The following FCRL5 variants were observed in gnomAD, a reference collection of about 807,000 sequenced individuals.
FCRL5 encodes the protein Fc receptor like 5.
A neutral mutation model predicts 92.1 loss-of-function variants in FCRL5; 79 were observed. The observed-to-expected ratio is 0.86, with a 90% CI of 0.72 to 1.03. The LOEUF (loss-of-function observed/expected upper bound fraction) is 1.03, where lower values mean the gene tolerates loss of function less well. FCRL5 is among the 50% of genes least tolerant of loss of function. The pLI is 0.00. For missense variants in FCRL5, 1,160 were observed against 1,181.1 expected, an observed-to-expected ratio of 0.98 and a Z score of 0.26; for synonymous variants, 466 against 469.3, an observed-to-expected ratio of 0.99 and a Z score of 0.09.
chr1:157,547,486 G>T (rs1419802942), intron 2 of FCRL5: 10 of 557,464 alleles, frequency 1.8e-5, no homozygotes, highest in Middle Eastern at 3.1e-4. Flanking sequence ...GGGTCCCAGA[G>T]AAAATCAATG....
chr1:157,543,208 CA>C (rs1651355527), intron 5 of FCRL5, 71 bp from the exon 6 acceptor site: 1 of 1,473,018 alleles, frequency 6.8e-7, no homozygotes, highest in East Asian at 2.3e-5. Flanking sequence ...ATGGCCAGTG[CA>C]AATGCCCAGT....
intron 1 of FCRL5, among the ~76,000 whole-genome samples, chr1:157,550,984 T>A (rs1651783760): frequency 6.6e-6 from 1 of 152,224 alleles, no homozygotes; most frequent in African/African-American, 2.4e-5. Flanking sequence ...TTATCCAAAC[T>A]TAAGTGTTTT....
intron 6 of FCRL5, among the ~76,000 whole-genome samples, chr1:157,540,758 T>A (rs189178077): frequency 8.5e-4 from 130 of 152,332 alleles, no homozygotes; most frequent in African/African-American, 3.0e-3. Flanking sequence ...ATAATTATGA[T>A]GATAAAGATA....
At chr1:157,538,735 A>G (rs1651099201) in intron 7 of FCRL5, among the ~76,000 whole-genome samples, 2 of 152,222 alleles carry the variant, frequency 1.3e-5, no homozygotes, top group Non-Finnish European at 2.9e-5. Context: ...CTGAGAACTG[A>G]GTCTGAGTCT....
chr1:157,551,619 C>A (rs1651814606), intron 1 of FCRL5, among the ~76,000 whole-genome samples: 1 of 152,214 alleles, frequency 6.6e-6, no homozygotes, highest in South Asian at 2.1e-4. Flanking sequence ...CTCCTATGGA[C>A]TCTAATTGCT....
intron 6 of FCRL5, chr1:157,541,926 T>C (rs1571104887): frequency 6.6e-6 from 1 of 152,378 alleles, no homozygotes; most frequent in East Asian, 1.9e-4. Context: ...TCCACTTTCT[T>C]TGGGCCACTG....
At chr1:157,547,336 G>T (rs776527963) in intron 2 of FCRL5, 139 bp from the exon 3 acceptor site, 2 of 1,160,654 alleles carry the variant, frequency 1.7e-6, no homozygotes, top group Non-Finnish European at 2.6e-6. Flanking sequence ...ATAGCTCAAA[G>T]CTCCCTGTCA....
chr1:157,534,547 T>C, intron 8 of FCRL5, 67 bp downstream of exon 8: 1 of 1,595,226 alleles, frequency 6.3e-7, no homozygotes, highest in Non-Finnish European at 8.6e-7. Context: ...TGCAAACAGA[T>C]TTTTAAAGGA....
At chr1:157,529,377 A>T (rs1650582755) in intron 8 of FCRL5, among the ~76,000 whole-genome samples, 2 of 152,232 alleles carry the variant, frequency 1.3e-5, no homozygotes. Context: ...ACCACTATGA[A>T]AACAGTATGG....
At chr1:157,518,328 G>A (rs559146581) in intron 15 of FCRL5, 101 bp downstream of exon 15, 27 of 983,508 alleles carry the variant, frequency 2.7e-5, no homozygotes, top group Admixed American at 7.9e-5. Context: ...TGGGAGGGGC[G>A]GCTCTATGCC....
intron 1 of FCRL5, among the ~76,000 whole-genome samples, chr1:157,551,499 T>C (rs1272287251): frequency 3.3e-5 from 5 of 152,242 alleles, no homozygotes; most frequent in African/African-American, 1.2e-4. Flanking sequence ...ATTGGTAACT[T>C]TGCCTGGACA....
At position 157,542,957 on chromosome 1, in the gene FCRL5, C is replaced by T. The variant is rs755964324; in HGVS notation, c.1025G>A (p.Ser342Asn). Residue 342 changes from serine to asparagine, a missense_variant, in exon 6 of 17, where the codon AGC becomes AAC. Ser to Asn is a conservative substitution (Grantham distance 46, BLOSUM62 1). Coordinates refer to ENST00000361835, the MANE Select transcript of FCRL5 (RefSeq NM_031281.3). ...SVRCERGASI[S>N]FSLTTENSGN... ...TGAATTCTCTGTAGTCAGTGAGAAG[C>T]TGATGGATGCTCCCCTTTCACAGCG... 3 of 1,614,098 alleles carry T rather than the reference C, an allele frequency of 1.9e-6. No individual in the cohort carries two copies. Among genetic ancestry groups the T allele is most frequent in the African/African-American group, 2.7e-5 (2 of 74,932 alleles).
At chr1:157,532,683 G>A (rs1482414016) in intron 8 of FCRL5, 5 of 152,062 alleles carry the variant, frequency 3.3e-5, no homozygotes, top group African/African-American at 9.7e-5. Context: ...CTCACTTGAG[G>A]TTGTGTCAAA....
At chr1:157,541,890 G>A (rs938906333) in intron 6 of FCRL5, 3 of 152,272 alleles carry the variant, frequency 2.0e-5, no homozygotes, top group Admixed American at 2.0e-4. Flanking sequence ...ACATCTCTGA[G>A]CATGTTTGAT....
In FCRL5 at chr1:157,513,951, T is replaced by C. The variant is rs1012355252; in HGVS notation, c.*1724A>G. The C allele has an allele frequency of 1.3e-5, 2 of 152,268 alleles. No individual in the cohort carries two copies. Among genetic ancestry groups the C allele is most frequent in the African/African-American group, 2.4e-5 (1 of 41,462 alleles). 9.4% of individuals were successfully genotyped at this position (152,268 alleles called of 1,614,324 possible). ...CATTTCTCTTGCTCCACGTCTATTT[T>C]AGTTGCATATCTGTAGTGATGACAA... On this transcript the variant is annotated 3_prime_UTR_variant, in exon 17 of 17. Coordinates refer to ENST00000361835, the MANE Select transcript of FCRL5 (RefSeq NM_031281.3).
chr1:157,538,544 C>T (rs1651087737), intron 7 of FCRL5, among the ~76,000 whole-genome samples: 1 of 152,242 alleles, frequency 6.6e-6, no homozygotes, highest in South Asian at 2.1e-4. Context: ...GACCTGCCCT[C>T]AGCCCACTGC....
Position 157,524,309 on chromosome 1 carries a change from G to A in FCRL5, c.2209C>T (p.Arg737Cys), listed in dbSNP as rs769954572. The A allele has an allele frequency of 5.3e-5, 86 of 1,614,148 alleles. No individual in the cohort carries two copies. Among genetic ancestry groups the A allele is most frequent in the Non-Finnish European group, 7.2e-5 (85 of 1,180,056 alleles). ...ACTTTCAGTGTCACCATCTCACTGC[G>A]CTGGGCCTCCAGACCATTGTCTGCC... ...CEADNGLEAQRSEMVTLKVAV... is the reference protein window; with the variant it reads ...CEADNGLEAQCSEMVTLKVAV... Residue 737 changes from arginine (R) to cysteine (C), a missense_variant, in exon 10 of 17, where the codon CGC becomes TGC. By Grantham distance (180) the Arg-to-Cys change is radical (BLOSUM62 -3). Coordinates refer to ENST00000361835, the MANE Select transcript of FCRL5 (RefSeq NM_031281.3).
chr1:157,519,438 G>A (rs1650078532), intron 13 of FCRL5, among the ~76,000 whole-genome samples: 1 of 152,216 alleles, frequency 6.6e-6, no homozygotes, highest in South Asian at 2.1e-4. Context: ...TCAAGATATG[G>A]AAAGACTTGG....
chr1:157,551,858 ATTGCTGCAGTGGT>A (rs1558145714), intron 1 of FCRL5, among the ~76,000 whole-genome samples: 1 of 152,126 alleles, frequency 6.6e-6, no homozygotes, highest in African/African-American at 2.4e-5. Flanking sequence ...TAATCAGCCA[ATTGCTGCAGTGGT>A]TTGCAATTAT....
Sources: gnomAD v4.1 joint callset for allele counts (sites outside exome capture counted in the v4.1 genomes callset) on GRCh38, gnomAD v4.1.1 for gene constraint, MANE v1.5 for transcripts, NCBI Gene and HGNC (gene_info 2026-07-23, HGNC 2026-07-21) for gene names.